The following HAUS7 variants were observed in gnomAD, a reference collection of about 807,000 sequenced individuals.
HAUS7 encodes HAUS augmin like complex subunit 7.
HAUS7 carries 3 observed loss-of-function variants against 28.4 expected under a neutral mutation model. That is an observed-to-expected ratio of 0.11 (90% CI 0.05 to 0.27). HAUS7 has a LOEUF of 0.27. Ranked by LOEUF, HAUS7 falls within the 10% of genes least tolerant of loss-of-function variation. The probability of loss-of-function intolerance (pLI) is 1.00; values close to 1 mark genes in which losing one functional copy is unlikely to be tolerated. For missense variants in HAUS7, 284 were observed against 297.3 expected (o/e 0.96, Z 0.33); for synonymous variants, 165 against 132.1 (o/e 1.25, Z -1.71).
chrX:153,454,214 C>T (rs918100837), intron 9 of HAUS7, among the ~76,000 whole-genome samples, 180 bp downstream of exon 9: 4 of 112,348 alleles, frequency 3.6e-5, no homozygotes, highest in African/African-American at 9.7e-5. Flanking sequence ...CTACGATGAG[C>T]GTTTTCATTT....
At chrX:153,490,312 G>A (rs143850334) in intron 1 of HAUS7, among the ~76,000 whole-genome samples, 1,924 of 113,003 alleles carry the variant, frequency 0.017, 62 homozygotes, top group South Asian at 0.17. Flanking sequence ...CTGGTGGCCC[G>A]GAGGGGAGAG....
At chrX:153,471,906 T>C (rs1050099073), upstream of HAUS7, among the ~76,000 whole-genome samples, 37 of 112,927 alleles carry the variant, frequency 3.3e-4, no homozygotes, top group African/African-American at 1.1e-3. Flanking sequence ...CAGGCCCTTC[T>C]GGTAGCTGAG....
chrX:153,479,603 G>C (rs1291735543), intron 1 of HAUS7, among the ~76,000 whole-genome samples: 1 of 112,646 alleles, frequency 8.9e-6, no homozygotes, highest in Non-Finnish European at 1.9e-5. Flanking sequence ...GTGTGCTGGG[G>C]AGGAGTTGCT....
chrX:153,454,551 A>G (rs2089280857), intron 8 of HAUS7, 43 bp from the exon 9 acceptor site: 1 of 633,698 alleles, frequency 1.6e-6, no homozygotes. Flanking sequence ...GGAGGGAGCG[A>G]GCAGGCACTA....
At chrX:153,470,851 C>A (rs1394186659), upstream of HAUS7, 1 of 374,261 alleles carries the variant, frequency 2.7e-6, no homozygotes, top group African/African-American at 2.6e-5. Flanking sequence ...GGGCGGACAC[C>A]GGGAAAGGGG....
rs1376329175 is a variant in HAUS7, at chrX:153,481,409, G to A, written c.-588-10264C>T. On this transcript the variant is annotated intron_variant, in intron 1 of 5. Coordinates refer to the HAUS7 transcript ENST00000370210. ...AGGATCCGGCGCCCACAGAAGGACC[G>A]CAGCCGAGGCCAGGGTGGCGGCGGC... is the stretch of plus-strand genomic sequence containing the variant. 6 of 753,368 alleles carry A rather than the reference G, an allele frequency of 8.0e-6. No homozygotes were observed. In the South Asian group the frequency reaches 2.0e-4, roughly 26 times the overall value. The allele number at this position is 753,368 out of a possible 1,213,427, so 62.1% of individuals were successfully genotyped here.
At chrX:153,485,361 T>C (rs782586202) in intron 1 of HAUS7, among the ~76,000 whole-genome samples, 9 of 111,233 alleles carry the variant, frequency 8.1e-5, no homozygotes, top group African/African-American at 2.9e-4. Flanking sequence ...GCCCCACTTT[T>C]CCCCTAGATT....
chrX:153,479,215 G>A (rs973319667), intron 1 of HAUS7: 9 of 372,642 alleles, frequency 2.4e-5, no homozygotes, highest in East Asian at 2.1e-4. Context: ...TCGTCCTGCC[G>A]TGGCCACCAC....
chrX:153,463,145 G>A (rs1556983714), intron 3 of HAUS7: 3 of 331,532 alleles, frequency 9.0e-6, no homozygotes, highest in South Asian at 7.8e-5. Flanking sequence ...TGGGGAACCT[G>A]GCGCCGTGCA....
chrX:153,470,075 G>C (rs1227886658), intron 1 of HAUS7, among the ~76,000 whole-genome samples: 1 of 112,426 alleles, frequency 8.9e-6, no homozygotes, highest in Non-Finnish European at 1.9e-5. Context: ...CCCTAGTCTC[G>C]CTGACTTGAC....
rs189257623 is a variant in HAUS7 at position 153,456,272 on chromosome X, C to G, written c.698G>C (p.Arg233Thr). Residue 233 changes from arginine (R) to threonine (T), a missense_variant, in exon 7 of 10, where the codon AGA becomes ACA. By Grantham distance (71) the Arg-to-Thr change is moderately conservative. Coordinates refer to ENST00000370211, the MANE Select transcript of HAUS7 (RefSeq NM_001385482.1). ...AGGAGCTAGCACCCTCACCTCCGTT[C>G]TAAGCGCGTGCAACTTGGCAGCACT... ...QESAAKLHAL[R>T]TEYFAQHEQG... 8.3e-7 allele frequency: 1 copy of G among 1,205,655 alleles called. No individual in the cohort carries two copies. The highest frequency in any genetic ancestry group is 3.0e-5 in the East Asian group (1 of 33,739).
chrX:153,478,438 C>G (rs1324215814), intron 1 of HAUS7, among the ~76,000 whole-genome samples: 1 of 112,736 alleles, frequency 8.9e-6, no homozygotes, highest in South Asian at 3.6e-4. Context: ...CCACAGGTGC[C>G]CCTCTGACCA....
At chrX:153,479,505 G>T in intron 1 of HAUS7, 1 of 420,973 alleles carries the variant, frequency 2.4e-6, no homozygotes, top group Non-Finnish European at 3.0e-6. Context: ...TCCCTGGAGG[G>T]CGAGGGGTGT....
At chrX:153,458,377 T>C (rs2089343694) in intron 4 of HAUS7, among the ~76,000 whole-genome samples, 2 of 113,111 alleles carry the variant, frequency 1.8e-5, no homozygotes, top group African/African-American at 6.4e-5. Flanking sequence ...CCTATCTACA[T>C]GCTGCACAGC....
Position 153,447,848 on chromosome X carries a change from G to A in HAUS7, c.*30C>T. On this transcript the variant is annotated 3_prime_UTR_variant, in exon 10 of 10. Transcript: ENST00000370211. Reference sequence around the variant, plus strand: ...GGGCTTCCTGCCCGCCCCATCCTGTGCTTTGGCGTAGGCCATCACTGAAGA... The same window carrying A: ...GGGCTTCCTGCCCGCCCCATCCTGTACTTTGGCGTAGGCCATCACTGAAGA... 1 of 1,157,758 alleles carries A rather than the reference G, an allele frequency of 8.6e-7. No homozygotes were observed. The highest frequency in any genetic ancestry group is 1.8e-5 in the African/African-American group (1 of 57,035).
At chrX:153,479,443 A>G (rs1483333123) in intron 1 of HAUS7, 2 of 695,359 alleles carry the variant, frequency 2.9e-6, no homozygotes, top group African/African-American at 2.4e-5. Flanking sequence ...CCTCAGGCCC[A>G]CTTTGGGTAC....
At chrX:153,484,239 G>A (rs1556987995) in intron 1 of HAUS7, among the ~76,000 whole-genome samples, 2 of 112,219 alleles carry the variant, frequency 1.8e-5, no homozygotes, top group African/African-American at 6.5e-5. Flanking sequence ...GGGCCCAGCC[G>A]GGGAACCCAG....
chrX:153,463,487 AAACTTTCACCTGGAC>A (rs2089418779), intron 3 of HAUS7, among the ~76,000 whole-genome samples: 1 of 111,843 alleles, frequency 8.9e-6, no homozygotes, highest in Non-Finnish European at 1.9e-5. Context: ...CTGCCTCTCC[AAACTTTCACCTGGAC>A]CACTCACTGC....
chrX:153,456,710 C>T (rs781847342), intron 5 of HAUS7, 59 bp from the exon 6 acceptor site: 14 of 977,392 alleles, frequency 1.4e-5, no homozygotes, highest in Non-Finnish European at 1.7e-5. Flanking sequence ...CCCAGCAGGC[C>T]CTCAGCCCCA....
Sources: allele counts gnomAD v4.1 joint callset (sites outside exome capture counted in the v4.1 genomes callset), GRCh38; gene constraint gnomAD v4.1.1; transcripts MANE v1.5; gene names NCBI Gene and HGNC (gene_info 2026-07-23, HGNC 2026-07-21).